GNAQ: variants seen among roughly 807,000 people sequenced by gnomAD.
GNAQ encodes the protein guanine nucleotide-binding protein G(q) subunit alpha.
A neutral mutation model predicts 43.9 loss-of-function variants in GNAQ; 8 were observed. That is an observed-to-expected ratio of 0.18 (90% CI 0.11 to 0.33). The LOEUF (loss-of-function observed/expected upper bound fraction) is 0.33, where lower values mean the gene tolerates loss of function less well. Among genes scored for constraint, GNAQ ranks in the 10% least tolerant of loss-of-function variants. The probability of loss-of-function intolerance (pLI) is 1.00; values close to 1 mark genes in which losing one functional copy is unlikely to be tolerated. For synonymous variants in GNAQ, 155 were observed against 170.7 expected (o/e 0.91, Z 0.71); for missense variants, 158 against 450.8 (o/e 0.35, Z 5.88).
chr9:77,802,556 A>G (rs1826762742), intron 3 of GNAQ, among the ~76,000 whole-genome samples: 1 of 152,188 alleles, frequency 6.6e-6, no homozygotes, highest in Admixed American at 6.5e-5. Context: ...GACCTTTTAA[A>G]AAAAAAACCA....
chr9:77,886,959 A>G (rs965147125), intron 2 of GNAQ, among the ~76,000 whole-genome samples: 8 of 147,904 alleles, frequency 5.4e-5, no homozygotes, highest in Non-Finnish European at 3.0e-5. Context: ...AGAAATACAA[A>G]AAAAAAAAAA....
At chr9:77,738,578 T>C (rs1354525589) in intron 5 of GNAQ, among the ~76,000 whole-genome samples, 1 of 152,172 alleles carries the variant, frequency 6.6e-6, no homozygotes, top group Non-Finnish European at 1.5e-5. Flanking sequence ...TATGCATAAT[T>C]TTGGAGGTTA....
intron 1 of GNAQ, among the ~76,000 whole-genome samples, chr9:77,958,129 G>C (rs1040294179): frequency 1.3e-5 from 2 of 152,178 alleles, no homozygotes; most frequent in African/African-American, 4.8e-5. Flanking sequence ...TGATAAATCT[G>C]TTGGGAGGGT....
At chr9:77,770,727 G>T (rs781331664) in intron 5 of GNAQ, among the ~76,000 whole-genome samples, 3 of 152,134 alleles carry the variant, frequency 2.0e-5, no homozygotes, top group Non-Finnish European at 2.9e-5. Context: ...TCAGTGGGAG[G>T]AAAATTGAAC....
intron 1 of GNAQ, among the ~76,000 whole-genome samples, chr9:78,025,666 A>G (rs1038566119): frequency 6.6e-6 from 1 of 152,138 alleles, no homozygotes; most frequent in African/African-American, 2.4e-5. Context: ...CTGAGGGAGA[A>G]AGCAATCCTA....
At chr9:77,936,602 C>T (rs917816132) in intron 1 of GNAQ, among the ~76,000 whole-genome samples, 1 of 152,086 alleles carries the variant, frequency 6.6e-6, no homozygotes, top group African/African-American at 2.4e-5. Context: ...GAAATTAAAC[C>T]AACTAAATGC....
At chr9:77,798,329 T>G (rs1369422982) in intron 3 of GNAQ, among the ~76,000 whole-genome samples, 1 of 152,212 alleles carries the variant, frequency 6.6e-6, no homozygotes, top group Non-Finnish European at 1.5e-5. Context: ...ATTTTTCTTT[T>G]GAAATAACTT....
chr9:77,979,406 G>C (rs1421593843), intron 1 of GNAQ, among the ~76,000 whole-genome samples: 2 of 150,610 alleles, frequency 1.3e-5, no homozygotes, highest in Non-Finnish European at 3.0e-5. Flanking sequence ...ATATATGAAA[G>C]AACTATTTGA....
chr9:77,906,599 G>A (rs973397984), intron 2 of GNAQ, among the ~76,000 whole-genome samples: 8 of 152,098 alleles, frequency 5.3e-5, no homozygotes, highest in Admixed American at 2.6e-4. Flanking sequence ...TTGTATATAA[G>A]TCCATACTCT....
Position 77,722,674 on chromosome 9 carries a change from T to G in GNAQ, c.890-1161A>C, listed in dbSNP as rs563727072. Among the ~76,000 whole-genome samples the G allele has an allele frequency of 3.8e-3, 311 of 81,378 alleles. 1 individual carries two copies. The highest frequency in any genetic ancestry group is 0.011 in the African/African-American group (254 of 22,614). 53.4% of individuals were successfully genotyped at this position (81,378 alleles called of 152,430 possible). The stretch of plus-strand genomic sequence containing the variant: ...AGGACTTTTTTTTTTTTTTTTTTTT[T>G]GAGACAGGGTCTTGCTCTGCTACCC... On this transcript the variant is annotated intron_variant, in intron 6 of 6. Coordinates refer to ENST00000286548, the MANE Select transcript of GNAQ (RefSeq NM_002072.5).
intron 1 of GNAQ, among the ~76,000 whole-genome samples, chr9:78,027,452 T>C (rs1823995913): frequency 6.6e-6 from 1 of 152,182 alleles, no homozygotes; most frequent in South Asian, 2.1e-4. Context: ...TCTCATATGT[T>C]TGCAGTGTAC....
chr9:77,864,663 G>T (rs186067031), intron 2 of GNAQ, among the ~76,000 whole-genome samples: 1 of 152,290 alleles, frequency 6.6e-6, no homozygotes, highest in East Asian at 1.9e-4. Context: ...TCCAAGAAAA[G>T]AATGTAGCCC....
At chr9:77,981,258 A>T (rs1421444254) in intron 1 of GNAQ, among the ~76,000 whole-genome samples, 10 of 152,152 alleles carry the variant, frequency 6.6e-5, no homozygotes, top group Non-Finnish European at 7.3e-5. Flanking sequence ...TATTTCCTTT[A>T]ATCAATCAAG....
At chr9:77,769,800 G>A (rs113876437) in intron 5 of GNAQ, among the ~76,000 whole-genome samples, 3 of 151,484 alleles carry the variant, frequency 2.0e-5, no homozygotes, top group Non-Finnish European at 2.9e-5. Flanking sequence ...AAGTAGCTGC[G>A]ACTACACGCG....
chr9:77,742,756 T>C (rs994685173), intron 5 of GNAQ, among the ~76,000 whole-genome samples: 7 of 152,270 alleles, frequency 4.6e-5, no homozygotes, highest in African/African-American at 1.4e-4. Context: ...GCTCCTTCTA[T>C]AGTGAAGGAC....
At chr9:77,917,265 T>C (rs1370700584) in intron 2 of GNAQ, among the ~76,000 whole-genome samples, 1 of 152,066 alleles carries the variant, frequency 6.6e-6, no homozygotes, top group South Asian at 2.1e-4. Context: ...CTTGGCCACA[T>C]AAACACAGGC....
chr9:78,004,482 C>T (rs541811679), intron 1 of GNAQ, among the ~76,000 whole-genome samples: 18 of 151,944 alleles, frequency 1.2e-4, no homozygotes, highest in Non-Finnish European at 2.5e-4. Context: ...ACAAGGTCCC[C>T]AGGAGATTCT....
intron 2 of GNAQ, among the ~76,000 whole-genome samples, chr9:77,821,714 T>A (rs567773807): frequency 7.0e-6 from 1 of 142,470 alleles, no homozygotes; most frequent in South Asian, 2.4e-4. Flanking sequence ...TGTTGTACTA[T>A]CCTAGTATGG....
intron 1 of GNAQ, among the ~76,000 whole-genome samples, chr9:77,991,916 G>C (rs956184334): frequency 6.6e-6 from 1 of 152,240 alleles, no homozygotes; most frequent in South Asian, 2.1e-4. Flanking sequence ...TTTTATGGCA[G>C]AGTAGTATTC....
Sources: gnomAD v4.1 joint callset for allele counts (sites outside exome capture counted in the v4.1 genomes callset) on GRCh38, gnomAD v4.1.1 for gene constraint, MANE v1.5 for transcripts, NCBI Gene and HGNC (gene_info 2026-07-23, HGNC 2026-07-21) for gene names.